Variants in PLD5 observed in about 807,000 individuals in gnomAD.
The protein encoded by PLD5 is phospholipase D family member 5, also known as inactive phospholipase D5.
In PLD5, 36 loss-of-function variants were observed where a neutral mutation model predicts 61.1. That is an observed-to-expected ratio of 0.59 (90% CI 0.45 to 0.78). The LOEUF is 0.78. PLD5 is among the 30% of genes least tolerant of loss of function. The pLI is 0.00. For synonymous variants in PLD5, 243 were observed against 242.8 expected, an observed-to-expected ratio of 1.00 and a Z score of -0.01; for missense variants, 515 against 644.4, an observed-to-expected ratio of 0.80 and a Z score of 2.17.
intron 1 of PLD5, among the ~76,000 whole-genome samples, chr1:242,378,999 T>C (rs1359809067): frequency 6.6e-6 from 1 of 152,178 alleles, no homozygotes; most frequent in Admixed American, 6.6e-5. Context: ...TGGTTCCCTC[T>C]CCTCTCATTC....
At chr1:242,352,956 G>C (rs1228291942) in intron 1 of PLD5, among the ~76,000 whole-genome samples, 2 of 152,136 alleles carry the variant, frequency 1.3e-5, no homozygotes, top group Non-Finnish European at 2.9e-5. Flanking sequence ...TCAGGTATAT[G>C]GTTTGCAAGT....
intron 1 of PLD5, among the ~76,000 whole-genome samples, chr1:242,521,501 C>A (rs1162322203): frequency 1.3e-5 from 2 of 152,226 alleles, no homozygotes; most frequent in East Asian, 3.9e-4. Flanking sequence ...ATTATGATGA[C>A]CAAATATGTG....
At chr1:242,455,411 G>A (rs1047123033) in intron 1 of PLD5, among the ~76,000 whole-genome samples, 1 of 152,200 alleles carries the variant, frequency 6.6e-6, no homozygotes, top group Non-Finnish European at 1.5e-5. Context: ...CAAGTAAGAA[G>A]TCTTCTGAGG....
At chr1:242,227,905 A>C (rs1459097023) in intron 4 of PLD5, among the ~76,000 whole-genome samples, 1 of 152,240 alleles carries the variant, frequency 6.6e-6, no homozygotes, top group Non-Finnish European at 1.5e-5. Flanking sequence ...GGAGTAGTTA[A>C]TGCATCATCC....
chr1:242,497,369 T>C (rs1668404907), intron 1 of PLD5, among the ~76,000 whole-genome samples: 1 of 152,216 alleles, frequency 6.6e-6, no homozygotes, highest in Non-Finnish European at 1.5e-5. Context: ...TTCTTACTTA[T>C]ATTTATGTTA....
At chr1:242,301,655 C>T (rs547834304) in intron 2 of PLD5, among the ~76,000 whole-genome samples, 5 of 152,206 alleles carry the variant, frequency 3.3e-5, no homozygotes, top group African/African-American at 7.2e-5. Context: ...TATATAGTCA[C>T]GCATTTTGGT....
At chr1:242,466,971 A>C (rs964038915) in intron 1 of PLD5, among the ~76,000 whole-genome samples, 23 of 152,032 alleles carry the variant, frequency 1.5e-4, no homozygotes, top group Non-Finnish European at 2.6e-4. Flanking sequence ...GTTGGGAAAT[A>C]GGAAGATGTA....
At chr1:242,383,217 T>C (rs1662400405) in intron 1 of PLD5, among the ~76,000 whole-genome samples, 1 of 152,186 alleles carries the variant, frequency 6.6e-6, no homozygotes. Context: ...TTTTTGCTTT[T>C]ATAATTATTT....
At chr1:242,503,084 T>G (rs1030672979) in intron 1 of PLD5, among the ~76,000 whole-genome samples, 1 of 152,070 alleles carries the variant, frequency 6.6e-6, no homozygotes, top group Non-Finnish European at 1.5e-5. Context: ...AACAGAGTCC[T>G]GCGGAGGTCT....
chr1:242,315,323 AAAC>A (rs1320922684), intron 2 of PLD5, among the ~76,000 whole-genome samples: 4 of 152,230 alleles, frequency 2.6e-5, no homozygotes, highest in Admixed American at 6.5e-5. Flanking sequence ...CTAAATCAAT[AAAC>A]AATACCGGAA....
chr1:242,123,858 G>C (rs973191100), intron 6 of PLD5, among the ~76,000 whole-genome samples: 3 of 152,180 alleles, frequency 2.0e-5, no homozygotes, highest in Admixed American at 2.0e-4. Flanking sequence ...TGGTGGACTG[G>C]GAAGGTGAGG....
intron 1 of PLD5, among the ~76,000 whole-genome samples, chr1:242,400,146 C>T (rs750947699): frequency 6.6e-6 from 1 of 150,888 alleles, no homozygotes; most frequent in Non-Finnish European, 1.5e-5. Context: ...CCAGCCTGAG[C>T]GACAAGAGTA....
At chr1:242,460,408 G>A (rs773583269) in intron 1 of PLD5, among the ~76,000 whole-genome samples, 4 of 152,140 alleles carry the variant, frequency 2.6e-5, no homozygotes, top group Non-Finnish European at 5.9e-5. Flanking sequence ...AGAGAGCCCC[G>A]TTGCATTGCG....
Position 242,083,862 on chromosome 1 carries a change from A to AC in PLD5, c.*5991_*5992insG, listed in dbSNP as rs1327013212. ...TGGGAATTGAGGTCATATTTCCAAG[A>AC]TTGGTTGTGCATTTGTGTGGGAAAA... On this transcript the variant is annotated 3_prime_UTR_variant, in exon 10 of 10. Coordinates refer to ENST00000536534, the MANE Select transcript of PLD5 (RefSeq NM_001372062.1). The AC allele has an allele frequency of 6.6e-6, 1 of 152,054 alleles. No individual in the cohort carries two copies. Among genetic ancestry groups the AC allele is most frequent in the African/African-American group, 2.4e-5 (1 of 41,326 alleles). 9.4% of individuals were successfully genotyped at this position (152,054 alleles called of 1,614,324 possible).
At chr1:242,400,924 A>G (rs1663895602) in intron 1 of PLD5, among the ~76,000 whole-genome samples, 1 of 152,228 alleles carries the variant, frequency 6.6e-6, no homozygotes, top group Non-Finnish European at 1.5e-5. Flanking sequence ...TGTAGCTTTA[A>G]GTATCACCCA....
chr1:242,503,105 C>G (rs1668610164), intron 1 of PLD5, among the ~76,000 whole-genome samples: 1 of 152,038 alleles, frequency 6.6e-6, no homozygotes, highest in South Asian at 2.1e-4. Flanking sequence ...GATTTCCCAC[C>G]CAATAACCAC....
At chr1:242,150,350 A>G (rs1336946589) in intron 5 of PLD5, among the ~76,000 whole-genome samples, 1 of 151,756 alleles carries the variant, frequency 6.6e-6, no homozygotes, top group African/African-American at 2.4e-5. Flanking sequence ...CAAGTTTTCT[A>G]TATCCTTACT....
At chr1:242,400,906 A>C (rs2149278075) in intron 1 of PLD5, among the ~76,000 whole-genome samples, 1 of 152,244 alleles carries the variant, frequency 6.6e-6, no homozygotes, top group African/African-American at 2.4e-5. Context: ...GAATGAAAGA[A>C]CCAGTCCTGT....
chr1:242,408,204 T>C (rs1298208131), intron 1 of PLD5, among the ~76,000 whole-genome samples: 1 of 152,214 alleles, frequency 6.6e-6, no homozygotes, highest in Non-Finnish European at 1.5e-5. Context: ...GATTATTTAG[T>C]GGACTTGTCC....
Sources: allele counts gnomAD v4.1 joint callset (sites outside exome capture counted in the v4.1 genomes callset), GRCh38; gene constraint gnomAD v4.1.1; transcripts MANE v1.5; gene names NCBI Gene and HGNC (gene_info 2026-07-23, HGNC 2026-07-21).